RGS22: variants seen among roughly 807,000 people sequenced by gnomAD.
RGS22 encodes the protein regulator of G protein signaling 22.
RGS22 carries 148 observed loss-of-function variants against 172.9 expected under a neutral mutation model. The observed-to-expected ratio is 0.86, with a 90% CI of 0.75 to 0.98. The LOEUF is 0.98. Among genes scored for constraint, RGS22 ranks in the 50% least tolerant of loss-of-function variants. The pLI is 0.00. For missense variants in RGS22, 1,347 were observed against 1,440.8 expected, an observed-to-expected ratio of 0.93 and a Z score of 1.05; for synonymous variants, 458 against 480.2, an observed-to-expected ratio of 0.95 and a Z score of 0.60.
chr8:99,964,485 A>AG, intron 24 of RGS22, among the ~76,000 whole-genome samples: 1 of 151,336 alleles, frequency 6.6e-6, no homozygotes, highest in East Asian at 1.9e-4. Flanking sequence ...CTCAAAAAAA[A>AG]AAAAAAAAAA....
intron 6 of RGS22, among the ~76,000 whole-genome samples, chr8:100,069,223 C>T (rs1005415054): frequency 6.6e-6 from 1 of 152,120 alleles, no homozygotes; most frequent in Admixed American, 6.6e-5. Context: ...GCCTTATTTG[C>T]AAGTTTGGAA....
At chr8:100,008,350 A>G in intron 15 of RGS22, 25 bp downstream of exon 15, 2 of 1,592,668 alleles carry the variant, frequency 1.3e-6, no homozygotes, top group African/African-American at 2.7e-5. Context: ...ATGGTTTCAC[A>G]CTCAATTTAT....
At chr8:100,033,774 T>C (rs1239003769) in intron 14 of RGS22, among the ~76,000 whole-genome samples, 1 of 152,152 alleles carries the variant, frequency 6.6e-6, no homozygotes, top group African/African-American at 2.4e-5. Flanking sequence ...ATGATCAAGT[T>C]GGCTTTTCAT....
At chr8:100,095,637 T>C (rs1004742631) in intron 2 of RGS22, among the ~76,000 whole-genome samples, 4 of 152,154 alleles carry the variant, frequency 2.6e-5, no homozygotes, top group Admixed American at 1.3e-4. Flanking sequence ...GCCATAAAGG[T>C]TCTAAAAGTT....
At chr8:99,993,369 A>G (rs903941358) in intron 20 of RGS22, among the ~76,000 whole-genome samples, 8 of 152,206 alleles carry the variant, frequency 5.3e-5, no homozygotes, top group Non-Finnish European at 1.2e-4. Flanking sequence ...ATAGACTGCT[A>G]GCAAGACTAA....
chr8:99,985,738 G>A (rs979857823), intron 21 of RGS22, among the ~76,000 whole-genome samples: 5 of 152,078 alleles, frequency 3.3e-5, no homozygotes, highest in African/African-American at 1.2e-4. Flanking sequence ...TATTAAAATG[G>A]AGACCAAGGG....
At chr8:100,080,477 T>A (rs1811674854) in intron 3 of RGS22, 122 bp from the exon 4 acceptor site, 3 of 708,712 alleles carry the variant, frequency 4.2e-6, no homozygotes, top group Non-Finnish European at 6.9e-6. Context: ...TTGTAATCAT[T>A]CCCTCTTCCT....
chr8:100,066,021 T>C (rs1449462519), intron 7 of RGS22, 146 bp downstream of exon 7: 10 of 605,004 alleles, frequency 1.7e-5, no homozygotes, highest in Non-Finnish European at 2.7e-5. Flanking sequence ...AAGTTGTCTC[T>C]CAAAAAACAT....
Position 100,067,621 on chromosome 8 carries a change from A to ATTTTTT in RGS22, c.595-1331_595-1326dup, listed in dbSNP as rs5893506. Among the ~76,000 whole-genome samples, 3 of 124,480 alleles carry ATTTTTT rather than the reference A, an allele frequency of 2.4e-5. No homozygotes were observed. In the South Asian group the frequency reaches 7.4e-4, roughly 31 times the overall value. The allele number at this position is 124,480 out of a possible 152,430, so 81.7% of individuals were successfully genotyped here. ...TTAACATAATTATTCCACTTTATAC[A>ATTTTTT]TTTTTTTTTTTTTTTTTTTTGGAGA... is the stretch of plus-strand genomic sequence containing the variant. On this transcript the variant is annotated intron_variant, in intron 6 of 27. Coordinates refer to ENST00000360863, the MANE Select transcript of RGS22 (RefSeq NM_015668.5).
rs201487971 is a variant in RGS22 at position 100,002,229 on chromosome 8, A to C, written c.2763T>G (p.Ser921Arg). ...GGTTCTGCTGATACAGAGAAGCTGG[A>C]CTGTTGGGTCCAAAGAAATATTTTT... The part of the protein sequence containing the change: ...LNKKYFFGPN[S>R]PASLYQQNQV... Residue 921 changes from serine (S) to arginine (R), a missense_variant, in exon 18 of 28, where the codon AGT becomes AGG. Transcript: ENST00000360863. The C allele has an allele frequency of 9.7e-4, 1,555 of 1,602,504 alleles. 4 individuals are homozygous for C. The highest frequency in any genetic ancestry group is 2.7e-3 in the Admixed American group (157 of 57,092).
Position 100,047,530 on chromosome 8 carries a change from T to C in RGS22, c.1756A>G (p.Thr586Ala). The change falls in exon 11 of 28, where the codon ACT (threonine) becomes GCT (alanine). Residue 586 changes from threonine to alanine, a missense_variant. Thr to Ala is a moderately conservative substitution (Grantham distance 58). Coordinates refer to ENST00000360863, the MANE Select transcript of RGS22 (RefSeq NM_015668.5). The stretch of plus-strand genomic sequence containing the variant: ...AGCTCCCGCTTCCAAGGCTTTTGAG[T>C]TGCTGTTTTTACTTCAGGTGATTTA... ...PNKSPEVKTA[T>A]QKPWKRELLY... 6.2e-7 allele frequency: 1 copy of C among 1,613,320 alleles called. No individual in the cohort carries two copies. Among genetic ancestry groups the C allele is most frequent in the Non-Finnish European group, 8.5e-7 (1 of 1,179,668 alleles).
At chr8:99,979,970 A>T (rs912734532) in intron 22 of RGS22, among the ~76,000 whole-genome samples, 1 of 152,228 alleles carries the variant, frequency 6.6e-6, no homozygotes, top group Non-Finnish European at 1.5e-5. Flanking sequence ...AGGGCCACTT[A>T]TGAAACTACA....
At chr8:99,966,283 G>C (rs1810723308) in intron 23 of RGS22, among the ~76,000 whole-genome samples, 1 of 152,062 alleles carries the variant, frequency 6.6e-6, no homozygotes, top group South Asian at 2.1e-4. Context: ...AAGTTGGGAG[G>C]GTGGGAGGCA....
intron 3 of RGS22, among the ~76,000 whole-genome samples, chr8:100,086,490 A>G (rs142202482): frequency 1.2e-3 from 178 of 152,272 alleles, no homozygotes; most frequent in African/African-American, 3.9e-3. Flanking sequence ...GTTTTCACTT[A>G]TAAGTGGGAA....
chr8:100,093,251 C>A, intron 3 of RGS22, 196 bp downstream of exon 3: 1 of 471,028 alleles, frequency 2.1e-6, no homozygotes, highest in Non-Finnish European at 3.8e-6. Flanking sequence ...CTCCAGATTT[C>A]TTCAATAAGA....
Position 100,062,731 on chromosome 8 carries a change from T to A in RGS22, c.1374A>T (p.Lys458Asn). The part of the protein sequence containing the change: ...RHQRHLEKMK[K>N]CYLVSNGDYY... ...AATCTCCATTGCTCACTAGATAGCA[T>A]TTTTTCATCTTCTCAAGATGTCTGA... The change falls in exon 9 of 28, where the codon AAA becomes AAT. Residue 458 changes from lysine (K) to asparagine (N), a missense_variant. Transcript: ENST00000360863. 6.3e-7 allele frequency: 1 copy of A among 1,599,940 alleles called. No individual in the cohort carries two copies. The highest frequency in any genetic ancestry group is 2.3e-5 in the East Asian group (1 of 44,238).
At chr8:100,089,246 T>C (rs887119648) in intron 3 of RGS22, among the ~76,000 whole-genome samples, 4 of 150,734 alleles carry the variant, frequency 2.7e-5, no homozygotes, top group African/African-American at 9.8e-5. Flanking sequence ...GATATTCTCA[T>C]AAGATGATTT....
chr8:99,979,104 G>A (rs1039990152), intron 22 of RGS22, among the ~76,000 whole-genome samples: 2 of 152,074 alleles, frequency 1.3e-5, no homozygotes, highest in Non-Finnish European at 1.5e-5. Context: ...TGAAACGCAG[G>A]CTTTTAAGAC....
chr8:99,976,717 C>T (rs1255368470), intron 23 of RGS22, among the ~76,000 whole-genome samples: 3 of 152,010 alleles, frequency 2.0e-5, no homozygotes. Context: ...ATGACTGCTC[C>T]TAGATATAGG....
Sources: gnomAD v4.1 joint callset for allele counts (sites outside exome capture counted in the v4.1 genomes callset) on GRCh38, gnomAD v4.1.1 for gene constraint, MANE v1.5 for transcripts, NCBI Gene and HGNC (gene_info 2026-07-23, HGNC 2026-07-21) for gene names.